Variants in CATSPERT observed in about 807,000 individuals in gnomAD.
CATSPERT encodes cation channel sperm-associated targeting subunit tau.
the CATSPERT span, chr2:201,493,800 G>T: frequency 1.3e-6 from 2 of 1,536,260 alleles, no homozygotes; most frequent in Non-Finnish European, 8.7e-7. Context: ...TAGGTACTTC[G>T]CTTATTAAAT....
At chr2:201,613,618 C>T in the CATSPERT span, among the ~76,000 whole-genome samples, 1 of 152,256 alleles carries the variant, frequency 6.6e-6, no homozygotes, top group Admixed American at 6.5e-5. Context: ...AGCAGAAAAG[C>T]TGAAAATTCT....
the CATSPERT span, among the ~76,000 whole-genome samples, chr2:201,508,549 T>C: frequency 6.6e-5 from 10 of 152,350 alleles, no homozygotes; most frequent in East Asian, 1.7e-3. Context: ...ATTCACATTG[T>C]TGTGCAACAG....
chr2:201,519,719 C>T, the CATSPERT span, among the ~76,000 whole-genome samples: 3 of 151,482 alleles, frequency 2.0e-5, no homozygotes, highest in Non-Finnish European at 4.4e-5. Flanking sequence ...ATAAAAAATA[C>T]AATCAAGAGC....
At chr2:201,547,556 A>G in the CATSPERT span, 2 of 1,559,132 alleles carry the variant, frequency 1.3e-6, no homozygotes, top group Non-Finnish European at 8.7e-7. Flanking sequence ...CTAAATAGTT[A>G]GCTTTATCTA....
At chr2:201,522,177 A>G in the CATSPERT span, among the ~76,000 whole-genome samples, 1 of 152,216 alleles carries the variant, frequency 6.6e-6, no homozygotes, top group Non-Finnish European at 1.5e-5. Flanking sequence ...AGCCAAGAGA[A>G]AGAAATTAAG....
At chr2:201,493,273 GAAT>G in the CATSPERT span, 1 of 1,536,496 alleles carries the variant, frequency 6.5e-7, no homozygotes, top group Middle Eastern at 1.7e-4. Flanking sequence ...ATTTGCTATT[GAAT>G]AATAACTTGA....
the CATSPERT span, chr2:201,492,995 C>A: frequency 6.5e-7 from 1 of 1,536,286 alleles, no homozygotes; most frequent in Non-Finnish European, 8.7e-7. Flanking sequence ...TTATCAAAAT[C>A]CTCTTGGAGT....
the CATSPERT span, chr2:201,574,166 G>A: frequency 7.2e-7 from 1 of 1,383,840 alleles, no homozygotes; most frequent in Non-Finnish European, 9.9e-7. Flanking sequence ...CGATTTGACT[G>A]AAGAGTTACA....
chr2:201,504,248 C>A, the CATSPERT span, among the ~76,000 whole-genome samples: 2 of 152,174 alleles, frequency 1.3e-5, no homozygotes, highest in Non-Finnish European at 2.9e-5. Flanking sequence ...GTTTGGCTTC[C>A]CGCTCCTGTG....
the CATSPERT span, among the ~76,000 whole-genome samples, chr2:201,510,557 C>G: frequency 2.6e-5 from 4 of 152,158 alleles, no homozygotes; most frequent in African/African-American, 9.7e-5. Context: ...GCTAACCACA[C>G]TAGGGATTGG....
At chr2:201,589,657 C>T in the CATSPERT span, among the ~76,000 whole-genome samples, 1 of 152,058 alleles carries the variant, frequency 6.6e-6, no homozygotes, top group Non-Finnish European at 1.5e-5. Context: ...TATAAAAACC[C>T]AGGAAGACAA....
the CATSPERT span, chr2:201,604,683 A>G: frequency 6.3e-7 from 1 of 1,598,324 alleles, no homozygotes; most frequent in Non-Finnish European, 8.5e-7. Flanking sequence ...ACTCTTTAAG[A>G]GTTTTTCTCA....
At chr2:201,590,805 T>G in the CATSPERT span, among the ~76,000 whole-genome samples, 27 of 152,012 alleles carry the variant, frequency 1.8e-4, no homozygotes, top group African/African-American at 5.8e-4. Context: ...TGTCTGTTCA[T>G]GTCCTTTGCC....
chr2:201,518,789 G>A, the CATSPERT span, among the ~76,000 whole-genome samples: 7 of 152,300 alleles, frequency 4.6e-5, no homozygotes, highest in East Asian at 1.2e-3. Flanking sequence ...TTTAGATAAT[G>A]CATTTCTTAA....
chr2:201,619,130 T>A, the CATSPERT span: 1 of 1,614,062 alleles, frequency 6.2e-7, no homozygotes, highest in South Asian at 1.1e-5. Flanking sequence ...GGTGGCTCCA[T>A]CTCTCCATCT....
chr2:201,617,444 A>G, the CATSPERT span, among the ~76,000 whole-genome samples: 16 of 152,238 alleles, frequency 1.1e-4, no homozygotes, highest in Non-Finnish European at 2.2e-4. Flanking sequence ...CCTGACATAA[A>G]CAAGAAATGG....
the CATSPERT span, chr2:201,601,837 TG>T: frequency 4.2e-5 from 68 of 1,608,992 alleles, no homozygotes; most frequent in Non-Finnish European, 5.7e-5. Flanking sequence ...TTCACAGCTT[TG>T]TTTATAGAGA....
At chr2:201,530,294 C>G in the CATSPERT span, among the ~76,000 whole-genome samples, 1 of 86,418 alleles carries the variant, frequency 1.2e-5, no homozygotes, top group Non-Finnish European at 2.8e-5. Context: ...AAAGAGATAT[C>G]TGCATCCCCG....
chr2:201,562,526 A>ATTTT, the CATSPERT span, among the ~76,000 whole-genome samples: 5 of 147,162 alleles, frequency 3.4e-5, no homozygotes, highest in African/African-American at 1.0e-4. Flanking sequence ...TTATTTATTT[A>ATTTT]TTTTTTTTAT....
Sources: allele counts gnomAD v4.1 joint callset (sites outside exome capture counted in the v4.1 genomes callset), GRCh38; gene constraint gnomAD v4.1.1; transcripts MANE v1.5; gene names NCBI Gene and HGNC (gene_info 2026-07-23, HGNC 2026-07-21).